Variants in GPR107 observed in about 807,000 individuals in gnomAD.
The protein encoded by GPR107 is protein GPR107.
A neutral mutation model predicts 75.5 loss-of-function variants in GPR107; 31 were observed. The ratio of observed to expected loss-of-function variants is 0.41; its 90% confidence interval spans 0.31 to 0.55. The LOEUF (loss-of-function observed/expected upper bound fraction) is 0.55. Among genes scored for constraint, GPR107 ranks in the 20% least tolerant of loss-of-function variants. The pLI, the probability that GPR107 is intolerant of heterozygous loss-of-function variation, is 0.26. For synonymous variants in GPR107, 267 were observed against 251.3 expected, an observed-to-expected ratio of 1.06 and a Z score of -0.59; for missense variants, 572 against 665.7, an observed-to-expected ratio of 0.86 and a Z score of 1.55.
intron 5 of GPR107, among the ~76,000 whole-genome samples, chr9:130,080,733 C>T (rs894953531): frequency 5.0e-4 from 76 of 151,376 alleles, no homozygotes; most frequent in African/African-American, 1.7e-3. Context: ...CCTCGTGATC[C>T]GCCCGCCTCG....
intron 15 of GPR107, among the ~76,000 whole-genome samples, chr9:130,125,656 C>T (rs1372560013): frequency 7.4e-6 from 1 of 134,808 alleles, no homozygotes; most frequent in African/African-American, 2.8e-5. Flanking sequence ...GGCTGGAGTG[C>T]AGTAGTGCGA....
chr9:130,065,259 G>C (rs745862062), intron 1 of GPR107, among the ~76,000 whole-genome samples: 3 of 151,166 alleles, frequency 2.0e-5, no homozygotes, highest in Admixed American at 6.6e-5. Context: ...AGACCAGCCT[G>C]GCCAACATGG....
intron 14 of GPR107, among the ~76,000 whole-genome samples, chr9:130,117,909 C>G (rs945758291): frequency 6.6e-6 from 1 of 152,178 alleles, no homozygotes; most frequent in African/African-American, 2.4e-5. Flanking sequence ...GAAAGGATTA[C>G]TGCCTGCTCT....
chr9:130,085,606 G>A (rs555463659), intron 6 of GPR107, among the ~76,000 whole-genome samples: 2 of 152,094 alleles, frequency 1.3e-5, no homozygotes, highest in South Asian at 2.1e-4. Context: ...CTGGGGTATA[G>A]ATTAGTTTTA....
chr9:130,104,339 GTGT>G, intron 12 of GPR107, 78 bp from the exon 13 acceptor site: 1 of 1,330,798 alleles, frequency 7.5e-7, no homozygotes, highest in Non-Finnish European at 1.1e-6. Context: ...GGAGGCCAAG[GTGT>G]ACACCCCACA....
chr9:130,080,445 A>T (rs2132568969), intron 5 of GPR107, among the ~76,000 whole-genome samples: 1 of 152,000 alleles, frequency 6.6e-6, no homozygotes, highest in East Asian at 1.9e-4. Flanking sequence ...CAAAATCCTA[A>T]AATGAAAGGC....
intron 17 of GPR107, among the ~76,000 whole-genome samples, chr9:130,130,366 G>T (rs930170062): frequency 6.6e-6 from 1 of 152,198 alleles, no homozygotes; most frequent in Non-Finnish European, 1.5e-5. Flanking sequence ...GAAATGTTTG[G>T]TGTGGGTTCC....
At chr9:130,090,058 G>A (rs79067613) in intron 7 of GPR107, among the ~76,000 whole-genome samples, 89 of 152,166 alleles carry the variant, frequency 5.8e-4, no homozygotes, top group Non-Finnish European at 1.1e-3. Flanking sequence ...AGAGCAACCC[G>A]TCATGAAAAA....
intron 1 of GPR107, among the ~76,000 whole-genome samples, chr9:130,058,371 C>T (rs1032469247): frequency 1.6e-4 from 24 of 152,186 alleles, no homozygotes; most frequent in African/African-American, 5.1e-4. Context: ...ATTCCCACCA[C>T]TAGTCCCAGG....
At position 130,086,440 on chromosome 9, in the gene GPR107, T is replaced by C. The variant is rs1830617561; in HGVS notation, c.585T>C (p.Phe195=). The C allele has an allele frequency of 5.8e-6, 9 of 1,548,638 alleles. No homozygotes were observed. Among genetic ancestry groups the C allele is most frequent in the Non-Finnish European group, 8.0e-6 (9 of 1,120,560 alleles). ...VDSKAMGEKS[F]SVHNNGGAVS... ...TTTAGGCCATGGGAGAGAAATCCTT[T>C]TCTGTTCATAATAATGGTGGGGCAG... Residue 195 remains phenylalanine (F), a synonymous_variant, in exon 7 of 18, where the codon TTT becomes TTC. Coordinates refer to ENST00000347136, the MANE Select transcript of GPR107 (RefSeq NM_020960.5).
At chr9:130,134,402 C>G (rs1264473443) in intron 17 of GPR107, among the ~76,000 whole-genome samples, 2 of 152,226 alleles carry the variant, frequency 1.3e-5, no homozygotes, top group Non-Finnish European at 2.9e-5. Flanking sequence ...TCCTCAGAGC[C>G]AGGCACCAAC....
chr9:130,132,242 T>C (rs535387122), intron 17 of GPR107, among the ~76,000 whole-genome samples: 8 of 152,046 alleles, frequency 5.3e-5, no homozygotes, highest in Non-Finnish European at 7.4e-5. Flanking sequence ...CTGTAGAGTG[T>C]TTTTGCAGTG....
chr9:130,058,013 G>A (rs967217969), intron 1 of GPR107, among the ~76,000 whole-genome samples: 26 of 152,164 alleles, frequency 1.7e-4, no homozygotes, highest in African/African-American at 6.3e-4. Flanking sequence ...ATTTTTAGTA[G>A]AGATGGGGTT....
intron 17 of GPR107, among the ~76,000 whole-genome samples, chr9:130,130,877 G>GAAA (rs113310099): frequency 0.016 from 2,126 of 135,582 alleles, 46 homozygotes; most frequent in African/African-American, 0.018. Context: ...TCTCAAAAAA[G>GAAA]AAAAAAAAAA....
At chr9:130,088,283 T>C (rs558145487) in intron 7 of GPR107, among the ~76,000 whole-genome samples, 10 of 152,342 alleles carry the variant, frequency 6.6e-5, no homozygotes, top group Admixed American at 2.0e-4. Flanking sequence ...GGCTTTAGGC[T>C]CTGCTCTCGC....
intron 15 of GPR107, among the ~76,000 whole-genome samples, chr9:130,127,062 G>T (rs1831707609): frequency 6.6e-6 from 1 of 152,252 alleles, no homozygotes; most frequent in Non-Finnish European, 1.5e-5. Flanking sequence ...GCATCTGCCA[G>T]AGAAGAGGAC....
chr9:130,130,795 G>A (rs961043200), intron 17 of GPR107, among the ~76,000 whole-genome samples: 3 of 151,364 alleles, frequency 2.0e-5, no homozygotes, highest in Non-Finnish European at 2.9e-5. Flanking sequence ...TCTTGAAATC[G>A]GAAGGCGGAG....
chr9:130,076,329 G>A, intron 2 of GPR107, 83 bp from the exon 3 acceptor site: 1 of 847,514 alleles, frequency 1.2e-6, no homozygotes, highest in Non-Finnish European at 2.0e-6. Flanking sequence ...CACGTTAGAA[G>A]TACCACTTTT....
rs560160303 is a variant in GPR107, at chr9:130,132,414, C to T, written c.1563-2611C>T. On this transcript the variant is annotated intron_variant, in intron 17 of 17. Coordinates refer to ENST00000347136, the MANE Select transcript of GPR107 (RefSeq NM_020960.5). Reference sequence around the variant, plus strand: ...TGGGTGACCAGGCAGACTGGGCCCTCGACAACCCTGCCGTCCTGTGTCCAC... The same window carrying T: ...TGGGTGACCAGGCAGACTGGGCCCTTGACAACCCTGCCGTCCTGTGTCCAC... Among the ~76,000 whole-genome samples, 66 of 152,326 alleles carry T rather than the reference C, an allele frequency of 4.3e-4. 1 individual carries two copies. Among genetic ancestry groups the T allele is most frequent in the Middle Eastern group, 6.8e-3 (2 of 294 alleles).
Sources: gnomAD v4.1 joint callset for allele counts (sites outside exome capture counted in the v4.1 genomes callset) on GRCh38, gnomAD v4.1.1 for gene constraint, MANE v1.5 for transcripts, NCBI Gene and HGNC (gene_info 2026-07-23, HGNC 2026-07-21) for gene names.